EPHB1: variants seen among roughly 807,000 people sequenced by gnomAD.
EPHB1 encodes the protein ephrin type-B receptor 1.
A neutral mutation model predicts 94.4 loss-of-function variants in EPHB1; 30 were observed. The observed-to-expected ratio is 0.32, with a 90% CI of 0.24 to 0.43. The LOEUF (loss-of-function observed/expected upper bound fraction) is 0.43, where lower values mean the gene tolerates loss of function less well. Among genes scored for constraint, EPHB1 ranks in the 20% least tolerant of loss-of-function variants. The pLI is 1.00. For missense variants in EPHB1, 1,055 were observed against 1,308.3 expected, an observed-to-expected ratio of 0.81 and a Z score of 2.99; for synonymous variants, 522 against 489.1, an observed-to-expected ratio of 1.07 and a Z score of -0.89.
rs1386884717 is a variant in EPHB1 at position 135,102,710 on chromosome 3, A to G, written c.806-3738A>G. On this transcript the variant is annotated intron_variant, in intron 3 of 15. Coordinates refer to ENST00000398015, the MANE Select transcript of EPHB1 (RefSeq NM_004441.5). ...TTATTGTAGCACTATTTACAATAGC[A>G]AAGACTTGGAACCAACCCAAATGCC... Among the ~76,000 whole-genome samples, 7 of 152,358 alleles carry G rather than the reference A, an allele frequency of 4.6e-5. No homozygotes were observed. In the East Asian group the frequency reaches 1.3e-3, roughly 29 times the overall value.
Position 135,103,642 on chromosome 3 carries a change from G to A in EPHB1, c.806-2806G>A, listed in dbSNP as rs562053526. ...TGAGCAAATTGAGGCTCTGAGGGATGATATAACTTGCCAGTGTTCACCAAG... is the reference window on the plus strand; with the variant it reads ...TGAGCAAATTGAGGCTCTGAGGGATAATATAACTTGCCAGTGTTCACCAAG... On this transcript the variant is annotated intron_variant, in intron 3 of 15. Transcript: ENST00000398015. Among the ~76,000 whole-genome samples the A allele has an allele frequency of 1.0e-3, 159 of 152,300 alleles. 1 individual carries two copies. Among genetic ancestry groups the A allele is most frequent in the African/African-American group, 3.7e-3 (152 of 41,556 alleles).
rs573589178 is a variant in EPHB1, at chr3:135,008,450, C to T, written c.805+56398C>T. Among the ~76,000 whole-genome samples the T allele has an allele frequency of 2.0e-5, 3 of 151,272 alleles. No individual in the cohort carries two copies. The East Asian group carries it at 5.8e-4, about 29-fold the overall frequency. ...CTACAGAGTGTGTTCTTAAGCATTT[C>T]ACTCTATGGCCTTGAAAAGCTCAGC... On this transcript the variant is annotated intron_variant, in intron 3 of 15. Transcript: ENST00000398015.
At chr3:134,802,300 T>G (rs945965800) in intron 1 of EPHB1, among the ~76,000 whole-genome samples, 1 of 148,426 alleles carries the variant, frequency 6.7e-6, no homozygotes, top group Non-Finnish European at 1.5e-5. Context: ...AAAAAAATAC[T>G]GTGCCACTGC....
chr3:134,880,599 G>A (rs564714143), intron 1 of EPHB1, among the ~76,000 whole-genome samples: 20 of 152,342 alleles, frequency 1.3e-4, no homozygotes, highest in Admixed American at 1.2e-3. Flanking sequence ...ACTTCCAAGG[G>A]TGTGGCATTG....
chr3:135,210,268 TA>T (rs1202236967), intron 12 of EPHB1, among the ~76,000 whole-genome samples: 1 of 152,226 alleles, frequency 6.6e-6, no homozygotes, highest in Non-Finnish European at 1.5e-5. Context: ...ATGATTTTGA[TA>T]CTTAGAAAAT....
intron 1 of EPHB1, among the ~76,000 whole-genome samples, chr3:134,925,398 A>G (rs533114084): frequency 6.6e-6 from 1 of 152,230 alleles, no homozygotes; most frequent in African/African-American, 2.4e-5. Flanking sequence ...AGGCAAAAAG[A>G]GGTGGCCTAG....
At chr3:135,174,319 C>G (rs143431538) in intron 9 of EPHB1, among the ~76,000 whole-genome samples, 364 of 152,298 alleles carry the variant, frequency 2.4e-3, no homozygotes, top group African/African-American at 8.5e-3. Context: ...GCTGGTATCA[C>G]TCTCCCCACT....
intron 9 of EPHB1, among the ~76,000 whole-genome samples, chr3:135,178,787 C>G (rs2107704378): frequency 6.6e-6 from 1 of 152,240 alleles, no homozygotes; most frequent in South Asian, 2.1e-4. Flanking sequence ...TTTAGGCCTG[C>G]CTTCCCCTGC....
At chr3:134,976,117 G>A (rs1447307314) in intron 3 of EPHB1, among the ~76,000 whole-genome samples, 1 of 151,926 alleles carries the variant, frequency 6.6e-6, no homozygotes, top group Non-Finnish European at 1.5e-5. Flanking sequence ...GTTGTCACCA[G>A]GTCAGATCCA....
intron 3 of EPHB1, among the ~76,000 whole-genome samples, chr3:135,048,229 T>A (rs971053889): frequency 6.7e-6 from 1 of 149,404 alleles, no homozygotes; most frequent in Non-Finnish European, 1.5e-5. Flanking sequence ...ATACTCTTTT[T>A]TTTTTTTTCT....
chr3:134,849,604 A>C (rs771332745), intron 1 of EPHB1, among the ~76,000 whole-genome samples: 1 of 151,998 alleles, frequency 6.6e-6, no homozygotes, highest in African/African-American at 2.4e-5. Flanking sequence ...TCTATTGCCA[A>C]CTCTGGAGGG....
intron 1 of EPHB1, among the ~76,000 whole-genome samples, chr3:134,883,646 A>G (rs1024864451): frequency 2.6e-5 from 4 of 152,238 alleles, no homozygotes; most frequent in African/African-American, 7.2e-5. Context: ...CCCTCAAGGT[A>G]TGAGCCCTGA....
At chr3:135,176,040 T>A (rs960399102) in intron 9 of EPHB1, among the ~76,000 whole-genome samples, 2 of 117,026 alleles carry the variant, frequency 1.7e-5, no homozygotes, top group African/African-American at 5.4e-5. Flanking sequence ...AGCTAAAGGC[T>A]TTTTTTTCCC....
chr3:135,050,318 G>C (rs1937134169), intron 3 of EPHB1, among the ~76,000 whole-genome samples: 1 of 152,154 alleles, frequency 6.6e-6, no homozygotes, highest in South Asian at 2.1e-4. Context: ...TTCTGTAAAA[G>C]TCACCTTGAT....
At chr3:135,081,720 C>T (rs1225049453) in intron 3 of EPHB1, among the ~76,000 whole-genome samples, 1 of 152,060 alleles carries the variant, frequency 6.6e-6, no homozygotes, top group Non-Finnish European at 1.5e-5. Context: ...TGTTTCCAGC[C>T]CCTCTGAGCC....
intron 3 of EPHB1, among the ~76,000 whole-genome samples, chr3:135,047,086 T>C (rs549167765): frequency 1.1e-4 from 16 of 152,228 alleles, no homozygotes; most frequent in African/African-American, 3.9e-4. Context: ...TGTTTTCTTC[T>C]CTCCTTGATG....
At chr3:134,982,964 A>G (rs750912071) in intron 3 of EPHB1, among the ~76,000 whole-genome samples, 1 of 152,192 alleles carries the variant, frequency 6.6e-6, no homozygotes, top group African/African-American at 2.4e-5. Context: ...CCCAGGTCCA[A>G]TTTGTTTTCC....
At chr3:134,980,904 A>G (rs1934377302) in intron 3 of EPHB1, among the ~76,000 whole-genome samples, 1 of 152,212 alleles carries the variant, frequency 6.6e-6, no homozygotes, top group Non-Finnish European at 1.5e-5. Flanking sequence ...GAATAAAGGT[A>G]CTAGGAACCT....
chr3:135,255,515 A>C (rs1293096911), intron 15 of EPHB1, among the ~76,000 whole-genome samples: 1 of 145,946 alleles, frequency 6.9e-6, no homozygotes, highest in African/African-American at 2.5e-5. Flanking sequence ...GTTTCCATGT[A>C]GTTGAGCGGT....
Sources: gnomAD v4.1 joint callset for allele counts (sites outside exome capture counted in the v4.1 genomes callset) on GRCh38, gnomAD v4.1.1 for gene constraint, MANE v1.5 for transcripts, NCBI Gene and HGNC (gene_info 2026-07-23, HGNC 2026-07-21) for gene names.